TACC2: variants seen among roughly 807,000 people sequenced by gnomAD.
TACC2 encodes the protein transforming acidic coiled-coil containing protein 2, also known as transforming acidic coiled-coil-containing protein 2.
Under a neutral mutation model 227.3 loss-of-function variants are expected in TACC2, and 137 were observed. That is an observed-to-expected ratio of 0.60 (90% CI 0.52 to 0.69). The LOEUF (loss-of-function observed/expected upper bound fraction) is 0.69, where lower values mean the gene tolerates loss of function less well. Among genes scored for constraint, TACC2 ranks in the 30% least tolerant of loss-of-function variants. TACC2 has a pLI of 0.00. For missense variants in TACC2, 3,470 were observed against 3,694.4 expected (o/e 0.94, Z 1.57); for synonymous variants, 1,523 against 1,487.5 (o/e 1.02, Z -0.55).
chr10:122,117,477 G>A (rs2084920115), intron 5 of TACC2, among the ~76,000 whole-genome samples: 1 of 152,160 alleles, frequency 6.6e-6, no homozygotes. Flanking sequence ...TTACAGGTGT[G>A]AGCCACCGCA....
chr10:122,028,785 C>CGCCTT (rs1958447554), intron 2 of TACC2, among the ~76,000 whole-genome samples: 1 of 61,156 alleles, frequency 1.6e-5, no homozygotes, highest in Non-Finnish European at 3.1e-5. Flanking sequence ...TGCCTCCGCT[C>CGCCTT]CCCTCCCCTC....
intron 6 of TACC2, among the ~76,000 whole-genome samples, chr10:122,139,878 C>A (rs1446116794): frequency 6.6e-6 from 1 of 152,226 alleles, no homozygotes; most frequent in African/African-American, 2.4e-5. Flanking sequence ...GCCTGGGCCA[C>A]TCTGGTGTTT....
chr10:122,179,599 A>T (rs1175743062), intron 7 of TACC2, among the ~76,000 whole-genome samples: 1 of 151,404 alleles, frequency 6.6e-6, no homozygotes, highest in African/African-American at 2.4e-5. Context: ...CCCTTCTTCC[A>T]CTCCTGCTCC....
At position 122,210,308 on chromosome 10, in the gene TACC2, A is replaced by G. The variant is rs1167567270; in HGVS notation, c.5972-89A>G. The G allele has an allele frequency of 2.8e-6, 3 of 1,077,270 alleles. No individual in the cohort carries two copies. The highest frequency in any genetic ancestry group is 4.2e-6 in the Non-Finnish European group (3 of 707,826). 66.7% of individuals were successfully genotyped at this position (1,077,270 alleles called of 1,614,324 possible). On this transcript the variant is annotated intron_variant, in intron 8 of 22. Transcript: ENST00000369005. This position sits in a 1 kb window ranked among gnomAD's most constrained non-coding sequence, Gnocchi z 4.6. ...CTGGGGCCGTGGTTTGTCAACCCCT[A>G]CGCTGGAGGGTGATGTTTTGGTACA...
chr10:122,122,082 G>A (rs1042683973), intron 5 of TACC2, among the ~76,000 whole-genome samples: 4 of 151,890 alleles, frequency 2.6e-5, no homozygotes, highest in African/African-American at 9.7e-5. Context: ...TTAGCCAGGC[G>A]CGGTGGCTCA....
intron 3 of TACC2, among the ~76,000 whole-genome samples, chr10:122,060,145 A>AT (rs1205467803): frequency 1.3e-5 from 2 of 152,164 alleles, no homozygotes; most frequent in African/African-American, 4.8e-5. Context: ...CTTTAGAGGA[A>AT]TGGGTGACCA....
At chr10:122,208,223 C>T (rs1440196682) in intron 8 of TACC2, among the ~76,000 whole-genome samples, 2 of 152,190 alleles carry the variant, frequency 1.3e-5, no homozygotes, top group African/African-American at 4.8e-5. Context: ...GAAACCAGGA[C>T]TAGCTCATAG....
intron 2 of TACC2, among the ~76,000 whole-genome samples, chr10:122,043,332 T>A (rs946568965): frequency 6.6e-6 from 1 of 152,174 alleles, no homozygotes; most frequent in Admixed American, 6.5e-5. Flanking sequence ...CCCAAATGCT[T>A]CTGAGGAAGG....
At position 122,226,427 on chromosome 10, in the gene TACC2, G is replaced by T. The variant is rs1363639492; in HGVS notation, c.7670G>T (p.Ser2557Ile). 2.5e-6 allele frequency: 4 copies of T among 1,614,068 alleles called. No individual in the cohort carries two copies. The highest frequency in any genetic ancestry group is 2.5e-6 in the Non-Finnish European group (3 of 1,180,018). Reference sequence around the variant, plus strand: ...CTTATGTTTGACACTTCTCAGGAGAGCCCTGTCAAGTCATCTCCCGTCCGC... The same window carrying T: ...CTTATGTTTGACACTTCTCAGGAGATCCCTGTCAAGTCATCTCCCGTCCGC... ...LYLMFDTSQE[S>I]PVKSSPVRMS... The change falls in exon 13 of 23, where the codon AGC becomes ATC. Residue 2557 changes from serine to isoleucine, a missense_variant. Ser to Ile is a moderately radical substitution (Grantham distance 142, BLOSUM62 -2). Coordinates refer to ENST00000369005, the MANE Select transcript of TACC2 (RefSeq NM_206862.4).
rs1374012714 is a variant in TACC2, at chr10:122,180,329, C to T, written c.5835-14711C>T. 1.3e-5 allele frequency among the ~76,000 whole-genome samples: 2 copies of T among 151,550 alleles called. No individual in the cohort carries two copies. Among genetic ancestry groups the T allele is most frequent in the African/African-American group, 4.8e-5 (2 of 41,288 alleles). On this transcript the variant is annotated intron_variant, in intron 7 of 22. Transcript: ENST00000369005. This position sits in a 1 kb window ranked among gnomAD's most constrained non-coding sequence, Gnocchi z 4.5. ...TGTTCTCCCTGCCTGAAACTTTCTT[C>T]CCCCCAGTTCTTTTTTTTTTTTTTT...
rs552920522 is a variant in TACC2, at chr10:122,133,087, A to G, written c.5699+353A>G. On this transcript the variant is annotated intron_variant, in intron 6 of 22. Coordinates refer to ENST00000369005, the MANE Select transcript of TACC2 (RefSeq NM_206862.4). ...GAGAACGTGCTACTTCTCCTTTTTC[A>G]GGGAACGGTTGAGTTAGCTGCCTTC... Among the ~76,000 whole-genome samples, 20 of 152,228 alleles carry G rather than the reference A, an allele frequency of 1.3e-4. No homozygotes were observed. In the South Asian group the frequency reaches 3.9e-3, roughly 30 times the overall value.
At chr10:122,143,754 G>C (rs746362912) in intron 7 of TACC2, 48 bp downstream of exon 7, 1 of 1,592,110 alleles carries the variant, frequency 6.3e-7, no homozygotes, top group Non-Finnish European at 8.6e-7. Context: ...GAGAGCAGGG[G>C]CCTGGTGGTC....
At chr10:122,078,698 T>C (rs1047434103) in intron 3 of TACC2, among the ~76,000 whole-genome samples, 6 of 152,258 alleles carry the variant, frequency 3.9e-5, no homozygotes, top group African/African-American at 7.2e-5. Context: ...CTTCAACTAA[T>C]GCACAGCCCT....
chr10:122,132,032 A>G (rs953736), intron 5 of TACC2, among the ~76,000 whole-genome samples: 37 of 30,300 alleles, frequency 1.2e-3, no homozygotes, highest in South Asian at 1.9e-3. Flanking sequence ...AAAAGAAAGA[A>G]AAAGAAAGAA....
chr10:122,184,899 T>G (rs1205063063), intron 7 of TACC2, among the ~76,000 whole-genome samples: 3 of 152,092 alleles, frequency 2.0e-5, no homozygotes, highest in African/African-American at 7.2e-5. Context: ...TGAGGGGTGA[T>G]AGCGATGGGG....
chr10:121,997,322 G>GTAA (rs1490959386), intron 1 of TACC2, among the ~76,000 whole-genome samples: 45 of 152,078 alleles, frequency 3.0e-4, no homozygotes, highest in Non-Finnish European at 2.2e-4. Flanking sequence ...TCCTCTGCTG[G>GTAA]GATCTTACCC....
intron 6 of TACC2, among the ~76,000 whole-genome samples, chr10:122,135,137 C>G (rs2089325225): frequency 6.6e-6 from 1 of 152,160 alleles, no homozygotes; most frequent in South Asian, 2.1e-4. Flanking sequence ...GTACACATAG[C>G]TAGTAAGTGG....
At chr10:122,186,051 C>T (rs571901728) in intron 7 of TACC2, among the ~76,000 whole-genome samples, 1 of 152,116 alleles carries the variant, frequency 6.6e-6, no homozygotes, top group Non-Finnish European at 1.5e-5. Flanking sequence ...GCCTCAGCCT[C>T]CCGAGTAGCT....
At chr10:121,990,755 T>C (rs927080564) in intron 1 of TACC2, among the ~76,000 whole-genome samples, 3 of 152,162 alleles carry the variant, frequency 2.0e-5, no homozygotes, top group African/African-American at 7.2e-5. Context: ...TATTACATTA[T>C]TGTCTGGACA....
Sources: allele counts gnomAD v4.1 joint callset (sites outside exome capture counted in the v4.1 genomes callset), GRCh38; gene constraint gnomAD v4.1.1; non-coding constraint Gnocchi (gnomAD v3.1); transcripts MANE v1.5; gene names NCBI Gene and HGNC (gene_info 2026-07-23, HGNC 2026-07-21).